TIAM2: variants seen among roughly 807,000 people sequenced by gnomAD.
TIAM2 encodes rho guanine nucleotide exchange factor TIAM2.
TIAM2 carries 80 observed loss-of-function variants against 152.9 expected under a neutral mutation model. That is an observed-to-expected ratio of 0.52 (90% CI 0.44 to 0.63). TIAM2 has a LOEUF of 0.63. Among genes scored for constraint, TIAM2 ranks in the 30% least tolerant of loss-of-function variants. TIAM2 has a pLI of 0.00. For synonymous variants in TIAM2, 804 were observed against 838.0 expected (o/e 0.96, Z 0.70); for missense variants, 1,965 against 2,120.1 (o/e 0.93, Z 1.44).
In TIAM2 at chr6:155,129,775, C is replaced by A. The variant is rs771685691; in HGVS notation, c.552C>A (p.Ser184Arg). ...RVEFHNGGNP[S>R]KVPAEDCSEP... ...AGTTCCACAATGGTGGCAACCCCAG[C>A]AAAGTGCCTGCAGAGGACTGCAGTG... Residue 184 changes from serine (S) to arginine (R), a missense_variant, in exon 4 of 27, where the codon AGC (serine) becomes AGA (arginine). Coordinates refer to ENST00000682666, the MANE Select transcript of TIAM2 (RefSeq NM_012454.4). This position sits in a 1 kb window ranked among gnomAD's most constrained non-coding sequence, Gnocchi z 4.8. 3 of 1,613,892 alleles carry A rather than the reference C, an allele frequency of 1.9e-6. No individual in the cohort carries two copies. The highest frequency in any genetic ancestry group is 1.7e-4 in the Middle Eastern group (1 of 6,060).
chr6:155,203,805 AT>A (rs1781536695), intron 14 of TIAM2, among the ~76,000 whole-genome samples: 2 of 152,278 alleles, frequency 1.3e-5, no homozygotes, highest in Admixed American at 1.3e-4. Flanking sequence ...AGTATATTTT[AT>A]CTTTCTTTGG....
At chr6:155,247,100 G>A (rs1783378493) in intron 19 of TIAM2, among the ~76,000 whole-genome samples, 1 of 152,228 alleles carries the variant, frequency 6.6e-6, no homozygotes, top group Non-Finnish European at 1.5e-5. Flanking sequence ...GTATGCGAAA[G>A]GTGAATCTGC....
At position 155,214,712 on chromosome 6, in the gene TIAM2, T is replaced by C. The variant is rs1193499028; in HGVS notation, c.3168+3405T>C. ...ATTTAATTTTGGGAACCCAATATCA[T>C]ATCTAATGTTCATTAGCTTTTTAAT... On this transcript the variant is annotated intron_variant, in intron 15 of 26. Transcript: ENST00000682666. This position sits in a 1 kb window ranked among gnomAD's most constrained non-coding sequence, Gnocchi z 5.4. 6.6e-6 allele frequency among the ~76,000 whole-genome samples: 1 copy of C among 152,236 alleles called. No homozygotes were observed. Among genetic ancestry groups the C allele is most frequent in the Non-Finnish European group, 1.5e-5 (1 of 68,038 alleles).
At chr6:155,180,984 T>C (rs1297781376) in intron 12 of TIAM2, among the ~76,000 whole-genome samples, 3 of 152,206 alleles carry the variant, frequency 2.0e-5, no homozygotes, top group African/African-American at 7.2e-5. Flanking sequence ...CTGTGCTTTT[T>C]GTGGTTGCCA....
rs556217620 is a variant in TIAM2 at position 155,257,110 on chromosome 6, G to A, written c.5095G>A (p.Gly1699Arg). The A allele has an allele frequency of 1.6e-5, 25 of 1,610,266 alleles. No individual in the cohort carries two copies. The East Asian group carries it at 2.5e-4, about 16-fold the overall frequency. ...EECFYETESH[G>R]KS ...GTGTTTTTATGAAACAGAGAGCCAC[G>A]GAAAATCATAGTATGATTCAATCCA... The change falls in exon 27 of 27, where the codon GGA (glycine) becomes AGA (arginine). Residue 1699 changes from glycine (G) to arginine (R), a missense_variant. Transcript: ENST00000682666.
At chr6:155,254,640 T>C in intron 26 of TIAM2, 67 bp downstream of exon 26, 1 of 1,558,688 alleles carries the variant, frequency 6.4e-7, no homozygotes, top group East Asian at 2.3e-5. Context: ...GGATATATGC[T>C]CTTGTAACAT....
chr6:155,047,697 GAGAGAGAGCGA>G (rs1777219153), intron 1 of TIAM2, among the ~76,000 whole-genome samples: 1 of 8,414 alleles, frequency 1.2e-4, no homozygotes, highest in African/African-American at 3.4e-4. Flanking sequence ...AGGAGAGAGA[GAGAGAGAGCGA>G]GAGAGAGAGA....
At chr6:155,224,011 G>A (rs944186204) in intron 15 of TIAM2, among the ~76,000 whole-genome samples, 3 of 152,102 alleles carry the variant, frequency 2.0e-5, no homozygotes, top group Non-Finnish European at 4.4e-5. Context: ...GTGTAGTGTC[G>A]CATTATTCAT....
Position 155,148,264 on chromosome 6 carries a change from TGAA to T in TIAM2, c.1964_1966del (p.Lys655del). Reference sequence around the variant, plus strand: ...CAGAAGATAGACATGGACAGCAAGATGAAGAAGATGGCAGAGCTGCAGCTGTCC... The same window carrying T: ...CAGAAGATAGACATGGACAGCAAGATGAAGATGGCAGAGCTGCAGCTGTCC... On this transcript the variant is annotated inframe_deletion, in exon 7 of 27. Coordinates refer to ENST00000682666, the MANE Select transcript of TIAM2 (RefSeq NM_012454.4). 1 of 1,612,564 alleles carries T rather than the reference TGAA, an allele frequency of 6.2e-7. No individual in the cohort carries two copies. Among genetic ancestry groups the T allele is most frequent in the Non-Finnish European group, 8.5e-7 (1 of 1,179,998 alleles).
chr6:155,064,150 A>G (rs1777642084), intron 1 of TIAM2, among the ~76,000 whole-genome samples: 1 of 152,088 alleles, frequency 6.6e-6, no homozygotes, highest in Admixed American at 6.6e-5. Flanking sequence ...TTTATTGACA[A>G]TCTACACATT....
chr6:155,065,311 T>G (rs182080841), intron 1 of TIAM2, among the ~76,000 whole-genome samples: 2 of 152,302 alleles, frequency 1.3e-5, no homozygotes, highest in Non-Finnish European at 2.9e-5. Context: ...GTAATGCAAA[T>G]TTAACTAAAA....
intron 21 of TIAM2, chr6:155,250,471 G>T: frequency 7.4e-7 from 1 of 1,345,158 alleles, no homozygotes; most frequent in South Asian, 1.3e-5. Flanking sequence ...AAAATGGCAG[G>T]AACAGGAAAG....
rs1290092941 is a variant in TIAM2 at position 155,257,491 on chromosome 6, CTGTT to C, written c.*375_*378del. ...AAATCCTCTGGGCATTTTCTTTCAG[CTGTT>C]TGTTAGTTTTTGCTTTATTTAAAGC... On this transcript the variant is annotated 3_prime_UTR_variant, in exon 27 of 27. Coordinates refer to ENST00000682666, the MANE Select transcript of TIAM2 (RefSeq NM_012454.4). 14 of 333,786 alleles carry C rather than the reference CTGTT, an allele frequency of 4.2e-5. No homozygotes were observed. The highest frequency in any genetic ancestry group is 6.6e-5 in the Non-Finnish European group (12 of 182,608). 20.7% of individuals were successfully genotyped at this position (333,786 alleles called of 1,614,324 possible).
intron 14 of TIAM2, among the ~76,000 whole-genome samples, chr6:155,193,069 T>C (rs1781249066): frequency 1.3e-5 from 2 of 152,356 alleles, no homozygotes; most frequent in Non-Finnish European, 2.9e-5. Context: ...CACTAAGTTA[T>C]GTAGATCTTC....
chr6:155,227,399 T>G (rs1376448404), intron 15 of TIAM2, among the ~76,000 whole-genome samples: 1 of 152,238 alleles, frequency 6.6e-6, no homozygotes, highest in Non-Finnish European at 1.5e-5. Context: ...GAACAGATAT[T>G]ACCAGCCCCA....
intron 1 of TIAM2, among the ~76,000 whole-genome samples, chr6:155,033,723 T>TC (rs1562296456): frequency 6.6e-6 from 1 of 151,480 alleles, no homozygotes; most frequent in African/African-American, 2.4e-5. Flanking sequence ...TTTCTTTCTT[T>TC]TTTTGTTTTT....
At chr6:155,165,160 A>T in intron 8 of TIAM2, 103 bp from the exon 9 acceptor site, 1 of 1,264,432 alleles carries the variant, frequency 7.9e-7, no homozygotes, top group Non-Finnish European at 1.1e-6. Flanking sequence ...GCTTTTGGCG[A>T]TAGTCAGAAT....
chr6:155,111,099 A>G (rs1439796520), intron 2 of TIAM2, among the ~76,000 whole-genome samples: 1 of 152,176 alleles, frequency 6.6e-6, no homozygotes, highest in East Asian at 1.9e-4. Flanking sequence ...GGCAATGAGA[A>G]GAAACCAAGT....
intron 14 of TIAM2, among the ~76,000 whole-genome samples, chr6:155,191,550 G>C (rs1274762389): frequency 2.6e-5 from 4 of 152,146 alleles, no homozygotes; most frequent in African/African-American, 9.7e-5. Flanking sequence ...CCAGGACTTT[G>C]GGAGGCTGAG....
Sources: gnomAD v4.1 joint callset for allele counts (sites outside exome capture counted in the v4.1 genomes callset) on GRCh38, gnomAD v4.1.1 for gene constraint, Gnocchi (gnomAD v3.1) non-coding constraint, MANE v1.5 for transcripts, NCBI Gene and HGNC (gene_info 2026-07-23, HGNC 2026-07-21) for gene names.